CSNK1A1: variants seen among roughly 807,000 people sequenced by gnomAD.
CSNK1A1 encodes the protein casein kinase 1 alpha 1.
A neutral mutation model predicts 46.1 loss-of-function variants in CSNK1A1; 7 were observed. The ratio of observed to expected loss-of-function variants is 0.15; its 90% CI spans 0.09 to 0.29. CSNK1A1 has a LOEUF of 0.29. Ranked by LOEUF, CSNK1A1 falls within the 10% of genes least tolerant of loss-of-function variation. CSNK1A1 has a pLI of 1.00. For synonymous variants in CSNK1A1, 137 were observed against 141.5 expected, an observed-to-expected ratio of 0.97 and a Z score of 0.23; for missense variants, 96 against 417.1, an observed-to-expected ratio of 0.23 and a Z score of 6.71.
intron 2 of CSNK1A1, among the ~76,000 whole-genome samples, chr5:149,534,859 G>A (rs1252900378): frequency 6.7e-6 from 1 of 150,196 alleles, no homozygotes; most frequent in Non-Finnish European, 1.5e-5. Context: ...CGGCTGTTGA[G>A]GCTAGCCACT....
chr5:149,497,220 T>C (rs962708332), intron 9 of CSNK1A1: 11 of 1,016,486 alleles, frequency 1.1e-5, no homozygotes, highest in Admixed American at 5.4e-5. Flanking sequence ...ATTGCTTTGC[T>C]TTAACTAAAG....
In CSNK1A1 at chr5:149,531,707, A is replaced by C. The variant is rs879313334; in HGVS notation, c.231-6536T>G. ...TACTAAAAATACAAAAAAAAAAAAAACAAAAAACAAAAAATTAGCCGCACA... is the reference window on the plus strand; with the variant it reads ...TACTAAAAATACAAAAAAAAAAAAACCAAAAAACAAAAAATTAGCCGCACA... On this transcript the variant is annotated intron_variant, in intron 2 of 9. Transcript: ENST00000377843. Among the ~76,000 whole-genome samples, 571 of 85,380 alleles carry C rather than the reference A, an allele frequency of 6.7e-3. 4 individuals carry two copies. Among genetic ancestry groups the C allele is most frequent in the African/African-American group, 0.019 (536 of 27,752 alleles). 56.0% of individuals were successfully genotyped at this position (85,380 alleles called of 152,430 possible). A position where few individuals can be genotyped will look rare whatever the true frequency, so the allele number is the denominator to read the frequency against.
At chr5:149,515,036 A>C (rs1441808673) in intron 4 of CSNK1A1, among the ~76,000 whole-genome samples, 2 of 152,232 alleles carry the variant, frequency 1.3e-5, no homozygotes, top group Non-Finnish European at 2.9e-5. Flanking sequence ...AAATGAGCAA[A>C]ATACATTTGT....
intron 2 of CSNK1A1, among the ~76,000 whole-genome samples, chr5:149,531,788 G>A (rs528331941): frequency 2.0e-5 from 3 of 149,932 alleles, no homozygotes; most frequent in East Asian, 3.9e-4. Context: ...GCAGTGGGCC[G>A]AGCTTATGCC....
rs1003292404 is a variant in CSNK1A1, at chr5:149,502,444, G to A, written c.1006+3003C>T. 1.7e-5 allele frequency: 7 copies of A among 411,690 alleles called. 1 individual carries two copies. The highest frequency in any genetic ancestry group is 1.6e-4 in the African/African-American group (7 of 42,838). 25.5% of individuals were successfully genotyped at this position (411,690 alleles called of 1,614,324 possible). A position where few individuals can be genotyped will look rare whatever the true frequency, so the allele number is the denominator to read the frequency against. The stretch of plus-strand genomic sequence containing the variant: ...TGCAGCCTCAACCTCCAGGGCTCAG[G>A]TGATACTCCCACCTCAGCCTCCCAA... On this transcript the variant is annotated intron_variant, in intron 9 of 9. Coordinates refer to ENST00000377843, the MANE Select transcript of CSNK1A1 (RefSeq NM_001892.6).
chr5:149,499,310 A>T (rs6877145), intron 9 of CSNK1A1: 2 of 540,338 alleles, frequency 3.7e-6, no homozygotes, highest in Non-Finnish European at 4.5e-6. Context: ...AAAAAAGGGG[A>T]GGGGGAGGGG....
chr5:149,544,737 T>TTATATATATATATATATATATATATA lies in CSNK1A1; in HGVS notation c.230+5312_230+5337dup, dbSNP rs375444306. Among the ~76,000 whole-genome samples the TTATATATATATATATATATATATATA allele has an allele frequency of 3.6e-3, 293 of 80,674 alleles. 6 individuals carry two copies. Among genetic ancestry groups the TTATATATATATATATATATATATATA allele is most frequent in the African/African-American group, 4.6e-3 (70 of 15,312 alleles). 52.9% of individuals were successfully genotyped at this position (80,674 alleles called of 152,430 possible). ...GTGAGGATGATGAGGGTAAAGAGCT[T>TTATATATATATATATATATATATATA]TATATATATATATATATATATATAT... On this transcript the variant is annotated intron_variant, in intron 2 of 9. Coordinates refer to ENST00000377843, the MANE Select transcript of CSNK1A1 (RefSeq NM_001892.6).
intron 2 of CSNK1A1, chr5:149,545,699 G>C: frequency 1.3e-6 from 1 of 747,740 alleles, no homozygotes; most frequent in Non-Finnish European, 2.2e-6. Flanking sequence ...CCCTTCTTGT[G>C]CTTCTTGGCA....
Position 149,499,967 on chromosome 5 carries a change from C to CTTT in CSNK1A1, c.1007-3110_1007-3108dup, listed in dbSNP as rs1162496799. On this transcript the variant is annotated intron_variant, in intron 9 of 9. Transcript: ENST00000377843. ...GTTGTGGGGTTTTTTTTCTTTTTTT[C>CTTT]TTTTTTTTTTTTTTTTTTTGAGACG... 2.5e-3 allele frequency among the ~76,000 whole-genome samples: 195 copies of CTTT among 77,688 alleles called. 9 individuals are homozygous for CTTT. The highest frequency in any genetic ancestry group is 5.9e-3 in the African/African-American group (139 of 23,448). The allele number at this position is 77,688 out of a possible 152,430, so 51.0% of individuals were successfully genotyped here.
At chr5:149,545,568 G>C (rs965244032) in intron 2 of CSNK1A1, 37 of 716,772 alleles carry the variant, frequency 5.2e-5, no homozygotes, top group Middle Eastern at 8.2e-4. Context: ...CAAGTCAATC[G>C]AGTTCGCAGC....
chr5:149,507,712 C>A (rs114967510), intron 7 of CSNK1A1, among the ~76,000 whole-genome samples: 4,220 of 152,220 alleles, frequency 0.028, 74 homozygotes, highest in Non-Finnish European at 0.044. Flanking sequence ...GATCTGCCCC[C>A]CTTGGCCTCC....
chr5:149,528,960 G>A (rs573374600), intron 2 of CSNK1A1, among the ~76,000 whole-genome samples: 5 of 152,124 alleles, frequency 3.3e-5, no homozygotes, highest in South Asian at 4.2e-4. Context: ...TAGAAACACA[G>A]GTCTTACCTT....
At chr5:149,509,703 C>T (rs1399470302) in intron 7 of CSNK1A1, among the ~76,000 whole-genome samples, 176 bp downstream of exon 7, 3 of 151,882 alleles carry the variant, frequency 2.0e-5, no homozygotes, top group African/African-American at 7.3e-5. Flanking sequence ...TGTGCCCAGC[C>T]GGATCATTTA....
At chr5:149,516,144 AC>A (rs1229377652) in intron 4 of CSNK1A1, among the ~76,000 whole-genome samples, 1 of 151,876 alleles carries the variant, frequency 6.6e-6, no homozygotes, top group Non-Finnish European at 1.5e-5. Flanking sequence ...ACATGGTAAA[AC>A]CCCATCTCCA....
At chr5:149,504,196 C>G in intron 9 of CSNK1A1, 3 of 985,292 alleles carry the variant, frequency 3.0e-6, no homozygotes, top group Non-Finnish European at 3.6e-6. Flanking sequence ...TCTGAAAAAC[C>G]CAACGACAAT....
At chr5:149,498,327 A>T in intron 9 of CSNK1A1, 1 of 985,442 alleles carries the variant, frequency 1.0e-6, no homozygotes, top group Non-Finnish European at 1.2e-6. Context: ...AATGCCAAAA[A>T]TGAAAGATAA....
intron 2 of CSNK1A1, among the ~76,000 whole-genome samples, chr5:149,529,106 C>T (rs933398078): frequency 2.0e-5 from 3 of 151,848 alleles, no homozygotes; most frequent in South Asian, 4.1e-4. Context: ...TCCTAAGTTA[C>T]GAAACATTAA....
intron 2 of CSNK1A1, among the ~76,000 whole-genome samples, chr5:149,527,318 G>A (rs1761753815): frequency 6.6e-6 from 1 of 152,032 alleles, no homozygotes; most frequent in South Asian, 2.1e-4. Flanking sequence ...AGTAGTGACG[G>A]CGTTTCACAA....
chr5:149,522,536 C>A (rs552507409), intron 3 of CSNK1A1, among the ~76,000 whole-genome samples: 1 of 152,278 alleles, frequency 6.6e-6, no homozygotes, highest in African/African-American at 2.4e-5. Context: ...TGTTAGGATT[C>A]TATTTTTTAT....
Sources: gnomAD v4.1 joint callset for allele counts (sites outside exome capture counted in the v4.1 genomes callset) on GRCh38, gnomAD v4.1.1 for gene constraint, MANE v1.5 for transcripts, NCBI Gene and HGNC (gene_info 2026-07-23, HGNC 2026-07-21) for gene names.